Variants in PFKFB2 observed in about 807,000 individuals in gnomAD.
The protein encoded by PFKFB2 is 6-phosphofructo-2-kinase/fructose-2,6-biphosphatase 2.
PFKFB2 carries 53 observed loss-of-function variants against 68.0 expected under a neutral mutation model. The ratio of observed to expected loss-of-function variants is 0.78; its 90% confidence interval spans 0.63 to 0.98. The LOEUF is 0.98. Ranked by LOEUF, PFKFB2 falls within the 50% of genes least tolerant of loss-of-function variation. PFKFB2 has a pLI of 0.00. For missense variants in PFKFB2, 451 were observed against 642.0 expected (o/e 0.70, Z 3.22); for synonymous variants, 222 against 227.6 (o/e 0.98, Z 0.22).
At chr1:207,052,080 G>A (rs1324421517), upstream of PFKFB2, 5 of 899,568 alleles carry the variant, frequency 5.6e-6, no homozygotes, top group Admixed American at 6.3e-5. Flanking sequence ...TTATCCAGCC[G>A]GGATTCAGAC....
intron 2 of PFKFB2, among the ~76,000 whole-genome samples, chr1:207,057,323 A>C (rs1682955173): frequency 6.7e-6 from 1 of 148,846 alleles, no homozygotes; most frequent in African/African-American, 2.5e-5. Flanking sequence ...AAAAAAAAAA[A>C]AAAAACTAGC....
upstream of PFKFB2, chr1:207,052,321 A>G (rs1682773303): frequency 1.7e-6 from 2 of 1,185,446 alleles, no homozygotes; most frequent in African/African-American, 1.5e-5. Context: ...CGGATGATAC[A>G]GCCTGGGTTA....
chr1:207,049,800 A>C, upstream of PFKFB2: 2 of 1,351,184 alleles, frequency 1.5e-6, no homozygotes, highest in South Asian at 2.9e-5. Flanking sequence ...AAGTCTGTAA[A>C]TTACAAACTG....
chr1:207,045,054 C>G (rs1682563856), intron 2 of PFKFB2: 1 of 152,446 alleles, frequency 6.6e-6, no homozygotes, highest in African/African-American at 2.4e-5. Flanking sequence ...CATAAGAAAA[C>G]AGCTTTAGTT....
chr1:207,052,160 T>C, upstream of PFKFB2: 2 of 1,610,056 alleles, frequency 1.2e-6, no homozygotes, highest in Non-Finnish European at 1.7e-6. Flanking sequence ...CTATGAAAAG[T>C]GTAGTTCACT....
In PFKFB2 at chr1:207,070,516, G is replaced by C. The variant is rs1334464542; in HGVS notation, c.1222+107G>C. 1 of 1,244,486 alleles carries C rather than the reference G, an allele frequency of 8.0e-7. No homozygotes were observed. 77.1% of individuals were successfully genotyped at this position (1,244,486 alleles called of 1,614,324 possible). A position where few individuals can be genotyped will look rare whatever the true frequency, so the allele number is the denominator to read the frequency against. On this transcript the variant is annotated intron_variant, in intron 12 of 14. Transcript: ENST00000367080. The surrounding 1 kb of genome is among the most constrained non-coding windows in gnomAD (Gnocchi z 4.2). ...GACCTCCCTGTCTCCACTCAAATTA[G>C]AGTACTTTCTCCAGACAGCAGTGTG...
chr1:207,070,534 G>A lies in PFKFB2; in HGVS notation c.1222+125G>A, dbSNP rs866275424. 6.6e-5 allele frequency: 66 copies of A among 996,164 alleles called. No individual in the cohort carries two copies. The Middle Eastern group carries it at 3.4e-3, about 52-fold the overall frequency. 61.7% of individuals were successfully genotyped at this position (996,164 alleles called of 1,614,324 possible). ...CAAATTAGAGTACTTTCTCCAGACAGCAGTGTGGGGCTCCCAGCAGCCACT... is the reference window on the plus strand; with the variant it reads ...CAAATTAGAGTACTTTCTCCAGACAACAGTGTGGGGCTCCCAGCAGCCACT... On this transcript the variant is annotated intron_variant, in intron 12 of 14. Coordinates refer to ENST00000367080, the MANE Select transcript of PFKFB2 (RefSeq NM_006212.2). The surrounding 1 kb of genome is among the most constrained non-coding windows in gnomAD (Gnocchi z 4.2).
chr1:207,049,361 T>C, upstream of PFKFB2: 6 of 1,614,184 alleles, frequency 3.7e-6, no homozygotes, highest in Non-Finnish European at 4.2e-6. Flanking sequence ...ACTACACATA[T>C]TTCACATTGG....
Position 207,054,065 on chromosome 1 carries a change from G to A in PFKFB2, c.-17-636G>A, listed in dbSNP as rs370394719. Among the ~76,000 whole-genome samples the A allele has an allele frequency of 2.8e-3, 426 of 151,592 alleles. 2 individuals carry two copies. The highest frequency in any genetic ancestry group is 8.8e-3 in the African/African-American group (363 of 41,240). On this transcript the variant is annotated intron_variant, in intron 1 of 14. Coordinates refer to ENST00000367080, the MANE Select transcript of PFKFB2 (RefSeq NM_006212.2). ...ACTACAGGCGCGCACCACCAGGCCC[G>A]GCTAATTTTTGTATTTTTAGTAGAG...
intron 2 of PFKFB2, among the ~76,000 whole-genome samples, chr1:207,061,085 C>A (rs3122006): frequency 0.54 from 58,122 of 106,970 alleles, 15,532 homozygotes; most frequent in Middle Eastern, 0.68. Context: ...CTTTATATAT[C>A]TTTATATATA....
At chr1:207,053,904 A>ATTTTTT (rs574695365) in intron 1 of PFKFB2, among the ~76,000 whole-genome samples, 5 of 97,888 alleles carry the variant, frequency 5.1e-5, no homozygotes, top group African/African-American at 8.1e-5. Flanking sequence ...TTCATTTTTC[A>ATTTTTT]TTTTTTTTTT....
rs1001799073 is a variant in PFKFB2 at position 207,063,632 on chromosome 1, G to C, written c.451-141G>C. ...TTGAGGCCCAGGGGCTGTGGTAAGA[G>C]CTATGAGGAGGACTTGAGGGCCACT... is the stretch of plus-strand genomic sequence containing the variant. On this transcript the variant is annotated intron_variant, in intron 6 of 14. Coordinates refer to ENST00000367080, the MANE Select transcript of PFKFB2 (RefSeq NM_006212.2). This position sits in a 1 kb window ranked among gnomAD's most constrained non-coding sequence, Gnocchi z 4.1. 12 of 805,410 alleles carry C rather than the reference G, an allele frequency of 1.5e-5. No homozygotes were observed. The South Asian group carries it at 1.8e-4, about 12-fold the overall frequency. 49.9% of individuals were successfully genotyped at this position (805,410 alleles called of 1,614,324 possible). A position where few individuals can be genotyped will look rare whatever the true frequency, so the allele number is the denominator to read the frequency against.
At chr1:207,056,555 C>T (rs922463769) in intron 2 of PFKFB2, among the ~76,000 whole-genome samples, 2 of 151,756 alleles carry the variant, frequency 1.3e-5, no homozygotes, top group African/African-American at 4.8e-5. Context: ...ACCTGCTTTC[C>T]TAACTCTTCT....
rs563782480 is a variant in PFKFB2, at chr1:207,068,393, T to C, written c.987+84T>C. On this transcript the variant is annotated intron_variant, in intron 10 of 14. Transcript: ENST00000367080. ...AGAAGTCACTATTTAGACAGTTTTA[T>C]CTAGGAAACTACAACCAACAAGTAA... 1.8e-4 allele frequency: 213 copies of C among 1,194,468 alleles called. No individual in the cohort carries two copies. In the African/African-American group the frequency reaches 3.0e-3, roughly 17 times the overall value. 74.0% of individuals were successfully genotyped at this position (1,194,468 alleles called of 1,614,324 possible).
rs1683556084 is a variant in PFKFB2 at position 207,074,210 on chromosome 1, T to C, written c.*1839T>C. On this transcript the variant is annotated 3_prime_UTR_variant, in exon 15 of 15. Coordinates refer to ENST00000367080, the MANE Select transcript of PFKFB2 (RefSeq NM_006212.2). The stretch of plus-strand genomic sequence containing the variant: ...AGGTGGAAAAATACTGGATAGTAGT[T>C]TCTCAGACAAAAGTGTCAGCCTAGG... 1.1e-5 allele frequency: 11 copies of C among 985,282 alleles called. No homozygotes were observed. Among genetic ancestry groups the C allele is most frequent in the Non-Finnish European group, 1.3e-5 (11 of 829,908 alleles). The allele number at this position is 985,282 out of a possible 1,614,324, so 61.0% of individuals were successfully genotyped here.
chr1:207,066,722 G>A (rs1387619172), intron 8 of PFKFB2, among the ~76,000 whole-genome samples: 2 of 151,996 alleles, frequency 1.3e-5, no homozygotes, highest in Admixed American at 6.5e-5. Flanking sequence ...GCACGATCTC[G>A]GCTCACTGCA....
intron 14 of PFKFB2, 117 bp downstream of exon 14, chr1:207,071,690 T>C: frequency 2.7e-6 from 2 of 738,822 alleles, no homozygotes; most frequent in African/African-American, 1.8e-5. Context: ...ATTCAGAACT[T>C]ACGTCCAAAT....
intron 8 of PFKFB2, among the ~76,000 whole-genome samples, chr1:207,066,589 A>C (rs1199885182): frequency 2.0e-5 from 3 of 152,210 alleles, no homozygotes; most frequent in Non-Finnish European, 4.4e-5. Context: ...CTCTGGTAGT[A>C]GGGTGATGCG....
At chr1:207,079,371 C>A, downstream of PFKFB2, 1 of 307,594 alleles carries the variant, frequency 3.3e-6, no homozygotes, top group Non-Finnish European at 6.2e-6. Flanking sequence ...CTTTTTTGCC[C>A]AAAGTGCAAA....
Sources: allele counts gnomAD v4.1 joint callset (sites outside exome capture counted in the v4.1 genomes callset), GRCh38; gene constraint gnomAD v4.1.1; non-coding constraint Gnocchi (gnomAD v3.1); transcripts MANE v1.5; gene names NCBI Gene and HGNC (gene_info 2026-07-23, HGNC 2026-07-21).